The following BTAF1 variants were observed in gnomAD, a reference collection of about 807,000 sequenced individuals.
BTAF1 encodes the protein TATA-binding protein-associated factor 172.
BTAF1 carries 38 observed loss-of-function variants against 227.1 expected under a neutral mutation model. The ratio of observed to expected loss-of-function variants is 0.17; its 90% confidence interval spans 0.13 to 0.22. The LOEUF is 0.22. Ranked by LOEUF, BTAF1 falls within the 10% of genes least tolerant of loss-of-function variation. The probability of loss-of-function intolerance (pLI) is 1.00; values close to 1 mark genes in which losing one functional copy is unlikely to be tolerated. For missense variants in BTAF1, 1,598 were observed against 2,204.0 expected (o/e 0.73, Z 5.51); for synonymous variants, 742 against 751.9 (o/e 0.99, Z 0.21).
intron 1 of BTAF1, among the ~76,000 whole-genome samples, chr10:91,925,916 C>A (rs1843796506): frequency 6.6e-6 from 1 of 152,132 alleles, no homozygotes; most frequent in Non-Finnish European, 1.5e-5. Flanking sequence ...CAAAGAGTAG[C>A]ACTCTTTTTC....
At chr10:92,012,892 A>G (rs976276596) in intron 30 of BTAF1, among the ~76,000 whole-genome samples, 2 of 152,158 alleles carry the variant, frequency 1.3e-5, no homozygotes, top group Admixed American at 6.5e-5. Context: ...ATAGTAATTT[A>G]AAGTATGTTA....
At chr10:92,019,404 C>G (rs538000760) in intron 34 of BTAF1, among the ~76,000 whole-genome samples, 1 of 152,212 alleles carries the variant, frequency 6.6e-6, no homozygotes, top group Non-Finnish European at 1.5e-5. Context: ...TCATCCATTT[C>G]TGTGTCAGTG....
intron 23 of BTAF1, 66 bp downstream of exon 23, chr10:91,994,710 A>G (rs1849022260): frequency 7.5e-7 from 1 of 1,335,038 alleles, no homozygotes; most frequent in Admixed American, 1.8e-5. Context: ...AAAAGTCTTA[A>G]GGTTTGAAAG....
intron 4 of BTAF1, among the ~76,000 whole-genome samples, chr10:91,950,309 A>T (rs1845683026): frequency 6.8e-6 from 1 of 146,674 alleles, no homozygotes; most frequent in Non-Finnish European, 1.5e-5. Flanking sequence ...TGCTATTCCC[A>T]TCTTTTTAAG....
chr10:92,003,243 T>C (rs1457238242), intron 25 of BTAF1, among the ~76,000 whole-genome samples: 1 of 152,196 alleles, frequency 6.6e-6, no homozygotes. Context: ...CAGTCATCAT[T>C]TTTTTGGTGA....
intron 25 of BTAF1, among the ~76,000 whole-genome samples, chr10:92,006,550 T>C (rs1403758049): frequency 6.6e-6 from 1 of 152,234 alleles, no homozygotes; most frequent in East Asian, 1.9e-4. Flanking sequence ...TATTGGTTCA[T>C]TGAGTTACGT....
Position 91,991,271 on chromosome 10 carries a change from A to ATATATATATATATATATATATAT in BTAF1, c.2855-848_2855-847insTATATATATATATATATATATAT, listed in dbSNP as rs1564699914. The stretch of plus-strand genomic sequence containing the variant: ...AAAAAAATATATAAATATAAATATA[A>ATATATATATATATATATATATAT]ATATATATATATATATATATAAATT... On this transcript the variant is annotated intron_variant, in intron 20 of 37. Transcript: ENST00000265990. Among the ~76,000 whole-genome samples the ATATATATATATATATATATATAT allele has an allele frequency of 1.8e-3, 121 of 66,064 alleles. 2 individuals are homozygous for ATATATATATATATATATATATAT. The highest frequency in any genetic ancestry group is 3.7e-3 in the East Asian group (4 of 1,084). The allele number at this position is 66,064 out of a possible 152,430, so 43.3% of individuals were successfully genotyped here.
intron 12 of BTAF1, 22 bp from the exon 13 acceptor site, chr10:91,964,055 T>C (rs1317937195): frequency 6.2e-7 from 1 of 1,610,740 alleles, no homozygotes; most frequent in East Asian, 2.2e-5. Context: ...TTGATAACTT[T>C]TCTTGAAAAC....
chr10:91,969,040 ATTTT>A (rs77465388), intron 14 of BTAF1, among the ~76,000 whole-genome samples: 2 of 130,464 alleles, frequency 1.5e-5, no homozygotes, highest in East Asian at 2.2e-4. Flanking sequence ...AAAAAAAAAA[ATTTT>A]TTTTTTTTTT....
chr10:91,943,505 ACAC>A (rs1274992063), intron 4 of BTAF1, among the ~76,000 whole-genome samples: 1 of 152,194 alleles, frequency 6.6e-6, no homozygotes, highest in African/African-American at 2.4e-5. Flanking sequence ...AAACAGAATA[ACAC>A]TCTGTTGCTA....
chr10:92,020,207 T>C (rs1851026771), intron 34 of BTAF1, among the ~76,000 whole-genome samples: 1 of 152,190 alleles, frequency 6.6e-6, no homozygotes, highest in South Asian at 2.1e-4. Context: ...TCTTGCTGCT[T>C]TCAAGGTTCT....
intron 14 of BTAF1, among the ~76,000 whole-genome samples, chr10:91,979,583 A>C (rs1411757589): frequency 6.6e-6 from 1 of 152,164 alleles, no homozygotes; most frequent in Non-Finnish European, 1.5e-5. Context: ...CACTGTATTT[A>C]GTGCTTAAAA....
chr10:91,983,742 G>A (rs546366110), intron 18 of BTAF1, among the ~76,000 whole-genome samples: 45 of 152,258 alleles, frequency 3.0e-4, no homozygotes, highest in Admixed American at 1.0e-3. Flanking sequence ...AGAGTGGGAA[G>A]GGTTAGTTAA....
intron 19 of BTAF1, among the ~76,000 whole-genome samples, chr10:91,987,791 T>A (rs1428294133): frequency 1.3e-5 from 2 of 152,196 alleles, no homozygotes; most frequent in African/African-American, 2.4e-5. Context: ...CTTTCTCCAC[T>A]CACGCCCAGT....
At chr10:91,966,816 A>G in intron 14 of BTAF1, 59 bp downstream of exon 14, 2 of 1,510,512 alleles carry the variant, frequency 1.3e-6, no homozygotes, top group Non-Finnish European at 1.8e-6. Flanking sequence ...TATAAAATAA[A>G]CCTGGTCTTT....
chr10:91,937,292 C>T (rs542733085), intron 2 of BTAF1, among the ~76,000 whole-genome samples: 5 of 152,158 alleles, frequency 3.3e-5, no homozygotes, highest in South Asian at 2.1e-4. Flanking sequence ...CGCTCCTGGC[C>T]GGTTTTGTTT....
chr10:91,987,658 T>G (rs1449366726), intron 19 of BTAF1, among the ~76,000 whole-genome samples: 1 of 152,194 alleles, frequency 6.6e-6, no homozygotes, highest in Non-Finnish European at 1.5e-5. Flanking sequence ...TGTGCCACCC[T>G]GAACATCCCT....
At chr10:91,983,580 C>T (rs931647197) in intron 18 of BTAF1, among the ~76,000 whole-genome samples, 4 of 152,154 alleles carry the variant, frequency 2.6e-5, no homozygotes, top group African/African-American at 9.7e-5. Flanking sequence ...TCAGACTTAG[C>T]AGCAAGTGTT....
At chr10:91,925,171 C>T (rs1006503663) in intron 1 of BTAF1, among the ~76,000 whole-genome samples, 2 of 152,060 alleles carry the variant, frequency 1.3e-5, no homozygotes, top group Non-Finnish European at 2.9e-5. Context: ...TTGCTAGGTA[C>T]CGTAGTATGG....
Sources: allele counts gnomAD v4.1 joint callset (sites outside exome capture counted in the v4.1 genomes callset), GRCh38; gene constraint gnomAD v4.1.1; transcripts MANE v1.5; gene names NCBI Gene and HGNC (gene_info 2026-07-23, HGNC 2026-07-21).